The following ANKRD37 variants were observed in gnomAD, a reference collection of about 807,000 sequenced individuals.
ANKRD37 encodes ankyrin repeat domain 37.
In ANKRD37, 17 loss-of-function variants were observed where a neutral mutation model predicts 19.7. The observed-to-expected ratio is 0.86, with a 90% CI of 0.59 to 1.29. The LOEUF is 1.29. Ranked by LOEUF, ANKRD37 falls within the 50% of genes most tolerant of loss-of-function variation. The probability of loss-of-function intolerance (pLI) is 0.00; values close to 1 mark genes in which losing one functional copy is unlikely to be tolerated. For missense variants in ANKRD37, 207 were observed against 190.4 expected (o/e 1.09, Z -0.51); for synonymous variants, 79 against 74.5 (o/e 1.06, Z -0.31).
rs1256327235 is a variant in ANKRD37 at position 185,398,947 on chromosome 4, G to A, written c.191G>A (p.Gly64Glu). Residue 64 changes from glycine to glutamate, a missense_variant, in exon 3 of 5, where the codon GGA (glycine) becomes GAA (glutamate). Coordinates refer to ENST00000335174, the MANE Select transcript of ANKRD37 (RefSeq NM_181726.4). ...GADLNQQDVL[G>E]EAPLHKAAKV... ...CCATCTTACCTTAAGGATGTTTTAG[G>A]AGAAGCTCCACTACACAAGGCAGCA... is the stretch of plus-strand genomic sequence containing the variant. 5 of 1,613,694 alleles carry A rather than the reference G, an allele frequency of 3.1e-6. No homozygotes were observed. The highest frequency in any genetic ancestry group is 4.2e-6 in the Non-Finnish European group (5 of 1,179,776).
At chr4:185,398,147 A>G (rs1311329976) in intron 2 of ANKRD37, among the ~76,000 whole-genome samples, 1 of 152,014 alleles carries the variant, frequency 6.6e-6, no homozygotes. Flanking sequence ...TAGTAGAGAC[A>G]GGGTTTCACC....
chr4:185,397,445 G>C (rs1580034815), intron 2 of ANKRD37, 143 bp downstream of exon 2: 3 of 1,154,950 alleles, frequency 2.6e-6, no homozygotes, highest in Non-Finnish European at 2.3e-6. Flanking sequence ...GCAAGACACA[G>C]ATGTAATTTA....
chr4:185,398,363 T>C (rs1489073482), intron 2 of ANKRD37, among the ~76,000 whole-genome samples: 2 of 152,248 alleles, frequency 1.3e-5, no homozygotes, highest in African/African-American at 4.8e-5. Context: ...AATAAAAAGC[T>C]TGAATTTAAA....
chr4:185,397,280 C>G lies in ANKRD37; in HGVS notation c.158C>G (p.Thr53Arg), dbSNP rs985063708. ...TGCTTTCTTCTCTGGCAGCTGCAAA[C>G]GGGCGCTGACCTCAACCAGCAGGTA... Reference protein sequence around the residue: ...LACFLLWQLQTGADLNQQDVL... With the variant: ...LACFLLWQLQRGADLNQQDVL... The change falls in exon 2 of 5, where the codon ACG becomes AGG. Residue 53 changes from threonine (T) to arginine (R), a missense_variant. By Grantham distance (71) the Thr-to-Arg change is moderately conservative. Coordinates refer to ENST00000335174, the MANE Select transcript of ANKRD37 (RefSeq NM_181726.4). 14 of 1,613,902 alleles carry G rather than the reference C, an allele frequency of 8.7e-6. No individual in the cohort carries two copies. Among genetic ancestry groups the G allele is most frequent in the Non-Finnish European group, 1.2e-5 (14 of 1,180,016 alleles).
Position 185,398,443 on chromosome 4 carries a change from CTA to C in ANKRD37, c.181-492_181-491del, listed in dbSNP as rs1349267839. Among the ~76,000 whole-genome samples the C allele has an allele frequency of 9.9e-5, 15 of 152,270 alleles. No homozygotes were observed. In the East Asian group the frequency reaches 1.9e-3, roughly 20 times the overall value. On this transcript the variant is annotated intron_variant, in intron 2 of 4. Transcript: ENST00000335174. ...ATGAATATGCAAGCATAGTACATTT[CTA>C]TGTTTCAAATTAGCCCATGGAGTTG...
rs776541906 is a variant in ANKRD37, at chr4:185,399,559, C to T, written c.273-11C>T. 37 of 1,613,530 alleles carry T rather than the reference C, an allele frequency of 2.3e-5. No homozygotes were observed. The highest frequency in any genetic ancestry group is 1.0e-4 in the Admixed American group (6 of 59,968). On this transcript the variant is annotated splice_polypyrimidine_tract_variant and intron_variant, in intron 3 of 4. Coordinates refer to ENST00000335174, the MANE Select transcript of ANKRD37 (RefSeq NM_181726.4). ...ATGTTTCATTTCACTCCGTTTTTAT[C>T]CTGTTTTCAGTTTATGTAATAAGAA...
intron 2 of ANKRD37, 153 bp downstream of exon 2, chr4:185,397,455 A>T: frequency 9.0e-7 from 1 of 1,109,434 alleles, no homozygotes; most frequent in Non-Finnish European, 1.2e-6. Context: ...GATGTAATTT[A>T]AGAGTTTTTT....
At chr4:185,397,395 A>G in intron 2 of ANKRD37, 93 bp downstream of exon 2, 1 of 1,484,146 alleles carries the variant, frequency 6.7e-7, no homozygotes, top group Non-Finnish European at 9.1e-7. Context: ...TCAGCTGTTA[A>G]AAACATGTCT....
At chr4:185,400,678 T>C, downstream of ANKRD37, 1 of 412,202 alleles carries the variant, frequency 2.4e-6, no homozygotes, top group Middle Eastern at 4.0e-4. Context: ...TTTAATTCTA[T>C]GTATGTAATT....
Position 185,399,575 on chromosome 4 carries a change from G to A in ANKRD37, c.278G>A (p.Cys93Tyr). The A allele has an allele frequency of 1.2e-6, 2 of 1,614,130 alleles. No individual in the cohort carries two copies. The highest frequency in any genetic ancestry group is 1.7e-6 in the Non-Finnish European group (2 of 1,179,986). Residue 93 changes from cysteine (C) to tyrosine (Y), a missense_variant, in exon 4 of 5, where the codon TGT becomes TAT. Coordinates refer to ENST00000335174, the MANE Select transcript of ANKRD37 (RefSeq NM_181726.4). ...LVASDAQIDL[C>Y]NKNGQTAEDL... ...CGTTTTTATCCTGTTTTCAGTTTAT[G>A]TAATAAGAACGGGCAAACAGCTGAA...
chr4:185,399,808 G>A lies in ANKRD37; in HGVS notation c.476+35G>A, dbSNP rs1053219. On this transcript the variant is annotated intron_variant, in intron 4 of 4. Coordinates refer to ENST00000335174, the MANE Select transcript of ANKRD37 (RefSeq NM_181726.4). ...TCAGAGCTGCTGCTTTTTTCCTCCCGCAGTGATCTCTTGTTTGCATAGCAT... is the reference window on the plus strand; with the variant it reads ...TCAGAGCTGCTGCTTTTTTCCTCCCACAGTGATCTCTTGTTTGCATAGCAT... 2,994 of 1,612,118 alleles carry A rather than the reference G, an allele frequency of 1.9e-3. 60 individuals carry two copies. In the African/African-American group the frequency reaches 0.035, roughly 19 times the overall value.
chr4:185,398,969 A>C lies in ANKRD37; in HGVS notation c.213A>C (p.Ala71=), dbSNP rs2095509628. The C allele has an allele frequency of 6.2e-7, 1 of 1,613,822 alleles. No homozygotes were observed. Among genetic ancestry groups the C allele is most frequent in the Non-Finnish European group, 8.5e-7 (1 of 1,179,884 alleles). ...DVLGEAPLHK[A]AKVGSLECLS... The stretch of plus-strand genomic sequence containing the variant: ...TAGGAGAAGCTCCACTACACAAGGC[A>C]GCAAAAGTTGGAAGCCTGGAGTGCC... Residue 71 remains alanine (A), a synonymous_variant, in exon 3 of 5, where the codon GCA becomes GCC. Coordinates refer to ENST00000335174, the MANE Select transcript of ANKRD37 (RefSeq NM_181726.4).
rs759561906 is a variant in ANKRD37, at chr4:185,398,994, C to A, written c.238C>A (p.Leu80Ile). 6.2e-7 allele frequency: 1 copy of A among 1,613,868 alleles called. No homozygotes were observed. Among genetic ancestry groups the A allele is most frequent in the Admixed American group, 1.7e-5 (1 of 60,010 alleles). ...AGCAAAAGTTGGAAGCCTGGAGTGC[C>A]TAAGCCTGCTTGTAGCCAGTGATGC... is the stretch of plus-strand genomic sequence containing the variant. ...KAAKVGSLECLSLLVASDAQI... is the reference protein window; with the variant it reads ...KAAKVGSLECISLLVASDAQI... The change falls in exon 3 of 5, where the codon CTA becomes ATA. Residue 80 changes from leucine (L) to isoleucine (I), a missense_variant. Transcript: ENST00000335174.
intron 3 of ANKRD37, 172 bp from the exon 4 acceptor site, chr4:185,399,398 C>T: frequency 1.5e-6 from 1 of 654,330 alleles, no homozygotes; most frequent in Non-Finnish European, 2.6e-6. Flanking sequence ...ATGCTGGATT[C>T]TGTTAGTTGC....
chr4:185,397,752 A>G (rs2095507040), intron 2 of ANKRD37: 1 of 127,478 alleles, frequency 7.8e-6, no homozygotes, highest in Non-Finnish European at 1.8e-5. Context: ...TTTCAAAAGA[A>G]GTAATTGCTA....
In ANKRD37 at chr4:185,399,773, G is replaced by A. The variant is rs1208127244; in HGVS notation, c.476G>A (p.Ter159=). The change falls in exon 4 of 5, where the codon TGA becomes TAA. Residue 159 remains the stop codon, a splice_region_variant and stop_retained_variant. Transcript: ENST00000335174. ...VENTSGKRKC[*] ...AATACCAGTGGGAAAAGGAAGTGCT[G>A]GTAAGTAACTCAGAGCTGCTGCTTT... The A allele has an allele frequency of 1.2e-5, 19 of 1,613,794 alleles. No individual in the cohort carries two copies. Among genetic ancestry groups the A allele is most frequent in the Non-Finnish European group, 1.4e-5 (17 of 1,179,962 alleles).
intron 2 of ANKRD37, among the ~76,000 whole-genome samples, chr4:185,398,249 C>T (rs2095508122): frequency 6.6e-6 from 1 of 152,118 alleles, no homozygotes; most frequent in Admixed American, 6.5e-5. Flanking sequence ...TGAGCCACCG[C>T]GCCCAGCCAC....
chr4:185,400,603 G>A (rs901555176), downstream of ANKRD37: 1 of 571,974 alleles, frequency 1.7e-6, no homozygotes, highest in Non-Finnish European at 3.0e-6. Context: ...TATCATTCAA[G>A]GATTTGAATT....
intron 2 of ANKRD37, 195 bp downstream of exon 2, chr4:185,397,497 G>T (rs1478855042): frequency 4.1e-6 from 3 of 735,552 alleles, no homozygotes; most frequent in East Asian, 6.3e-5. Context: ...TGAGAAATTT[G>T]AAGTTTTTAA....
Sources: allele counts gnomAD v4.1 joint callset (sites outside exome capture counted in the v4.1 genomes callset), GRCh38; gene constraint gnomAD v4.1.1; transcripts MANE v1.5; gene names NCBI Gene and HGNC (gene_info 2026-07-23, HGNC 2026-07-21).